ADAMTS17: variants seen among roughly 807,000 people sequenced by gnomAD.
ADAMTS17 encodes A disintegrin and metalloproteinase with thrombospondin motifs 17.
Under a neutral mutation model 141.5 loss-of-function variants are expected in ADAMTS17, and 113 were observed. The ratio of observed to expected loss-of-function variants is 0.80; its 90% confidence interval spans 0.69 to 0.93. The LOEUF (loss-of-function observed/expected upper bound fraction) is 0.93, where lower values mean the gene tolerates loss of function less well. Ranked by LOEUF, ADAMTS17 falls within the 40% of genes least tolerant of loss-of-function variation. The pLI, the probability that ADAMTS17 is intolerant of heterozygous loss-of-function variation, is 0.00. For missense variants in ADAMTS17, 1,659 were observed against 1,517.9 expected, an observed-to-expected ratio of 1.09 and a Z score of -1.54; for synonymous variants, 768 against 630.6, an observed-to-expected ratio of 1.22 and a Z score of -3.27.
intron 20 of ADAMTS17, among the ~76,000 whole-genome samples, chr15:99,978,170 C>G (rs955551825): frequency 1.3e-5 from 2 of 152,180 alleles, no homozygotes; most frequent in Non-Finnish European, 2.9e-5. Context: ...TGCGGAGTCT[C>G]CAGACACAGG....
chr15:100,096,546 AG>A, intron 14 of ADAMTS17, 70 bp from the exon 15 acceptor site: 1 of 1,609,054 alleles, frequency 6.2e-7, no homozygotes, highest in Non-Finnish European at 8.5e-7. Context: ...CTGCCCTGCA[AG>A]GCTAACTTTT....
At position 100,126,896 on chromosome 15, in the gene ADAMTS17, G is replaced by A. The variant is rs183823287; in HGVS notation, c.1721+5111C>T. Among the ~76,000 whole-genome samples the A allele has an allele frequency of 2.3e-3, 349 of 152,332 alleles. 1 individual carries two copies. Among genetic ancestry groups the A allele is most frequent in the Non-Finnish European group, 4.2e-3 (289 of 68,036 alleles). On this transcript the variant is annotated intron_variant, in intron 12 of 21. Transcript: ENST00000268070. ...GGGAGGACACAGTCAAAACAAGTGA[G>A]CAAATACATAACAACAATATCAGCT...
intron 7 of ADAMTS17, among the ~76,000 whole-genome samples, chr15:100,224,242 G>A (rs1361131201): frequency 2.0e-5 from 3 of 152,066 alleles, no homozygotes; most frequent in Admixed American, 6.6e-5. Flanking sequence ...ACTGCCCACC[G>A]CCTTTGGAGT....
intron 7 of ADAMTS17, among the ~76,000 whole-genome samples, chr15:100,225,730 C>A (rs577586364): frequency 6.7e-6 from 1 of 148,622 alleles, no homozygotes; most frequent in South Asian, 2.1e-4. Context: ...GTCATGGTCT[C>A]TGTGCCATTC....
At chr15:100,209,442 C>G (rs1400855819) in intron 7 of ADAMTS17, among the ~76,000 whole-genome samples, 1 of 152,068 alleles carries the variant, frequency 6.6e-6, no homozygotes, top group Non-Finnish European at 1.5e-5. Flanking sequence ...AGAAGTAACC[C>G]AAACATGGGA....
intron 3 of ADAMTS17, among the ~76,000 whole-genome samples, chr15:100,326,404 G>C (rs539963180): frequency 2.0e-5 from 3 of 152,046 alleles, no homozygotes; most frequent in Non-Finnish European, 4.4e-5. Context: ...GAAGTGTAGA[G>C]GAACCAAATT....
chr15:100,177,493 T>C (rs1200540109), intron 8 of ADAMTS17, among the ~76,000 whole-genome samples: 1 of 152,254 alleles, frequency 6.6e-6, no homozygotes, highest in Non-Finnish European at 1.5e-5. Context: ...GATTCCATTA[T>C]AAGGTCAGAG....
chr15:100,174,997 C>T (rs1347709998), intron 8 of ADAMTS17, among the ~76,000 whole-genome samples: 4 of 152,088 alleles, frequency 2.6e-5, no homozygotes, highest in Non-Finnish European at 4.4e-5. Flanking sequence ...AATATGCAGC[C>T]CTGGGCAGAA....
intron 8 of ADAMTS17, among the ~76,000 whole-genome samples, chr15:100,174,080 G>A (rs2040252218): frequency 6.6e-6 from 1 of 152,198 alleles, no homozygotes; most frequent in Non-Finnish European, 1.5e-5. Flanking sequence ...CAGAGCTCTT[G>A]GTCCCATTTA....
intron 16 of ADAMTS17, among the ~76,000 whole-genome samples, chr15:100,053,051 G>T (rs2032269745): frequency 6.6e-6 from 1 of 152,192 alleles, no homozygotes; most frequent in Admixed American, 6.5e-5. Context: ...AATTAACGGG[G>T]AAGAAGAACT....
intron 18 of ADAMTS17, among the ~76,000 whole-genome samples, chr15:100,025,911 C>A (rs1180277619): frequency 6.6e-5 from 10 of 151,994 alleles, no homozygotes; most frequent in African/African-American, 2.2e-4. Flanking sequence ...TTTACTCCAA[C>A]CATTTTTGAT....
At chr15:100,050,042 C>G (rs2032018981) in intron 17 of ADAMTS17, among the ~76,000 whole-genome samples, 1 of 152,212 alleles carries the variant, frequency 6.6e-6, no homozygotes, top group African/African-American at 2.4e-5. Context: ...CCTGCTGGGT[C>G]TGTGTCCTGG....
chr15:100,169,952 G>C (rs922681107), intron 8 of ADAMTS17, among the ~76,000 whole-genome samples: 5 of 152,114 alleles, frequency 3.3e-5, no homozygotes, highest in African/African-American at 1.2e-4. Flanking sequence ...CAGGAGGCGG[G>C]GTTCAGGGTT....
chr15:100,004,824 T>G (rs765164998), intron 18 of ADAMTS17, among the ~76,000 whole-genome samples: 6 of 152,312 alleles, frequency 3.9e-5, no homozygotes, highest in Non-Finnish European at 5.9e-5. Context: ...TTTTCCCATG[T>G]TGGCCAGGCT....
intron 18 of ADAMTS17, among the ~76,000 whole-genome samples, chr15:100,027,595 T>G (rs2061540170): frequency 6.6e-6 from 1 of 152,362 alleles, no homozygotes; most frequent in African/African-American, 2.4e-5. Context: ...GCTGCTTTTG[T>G]GCTACAATAG....
At chr15:100,094,565 C>G (rs1465576915) in intron 15 of ADAMTS17, among the ~76,000 whole-genome samples, 1 of 152,158 alleles carries the variant, frequency 6.6e-6, no homozygotes, top group Admixed American at 6.5e-5. Flanking sequence ...TAGAACTTTC[C>G]TTAGTGTTCT....
intron 7 of ADAMTS17, among the ~76,000 whole-genome samples, chr15:100,227,937 G>A (rs1354603903): frequency 2.0e-5 from 3 of 152,162 alleles, no homozygotes; most frequent in Non-Finnish European, 4.4e-5. Flanking sequence ...TTTCATTCCT[G>A]ACCTTGCTCC....
intron 7 of ADAMTS17, among the ~76,000 whole-genome samples, chr15:100,240,510 CT>C (rs1351511399): frequency 6.6e-6 from 1 of 152,194 alleles, no homozygotes; most frequent in Non-Finnish European, 1.5e-5. Context: ...GTGCTCCCCC[CT>C]CACTCCTCTA....
At chr15:100,066,221 C>T (rs1038942480) in intron 15 of ADAMTS17, among the ~76,000 whole-genome samples, 1 of 152,090 alleles carries the variant, frequency 6.6e-6, no homozygotes, top group Non-Finnish European at 1.5e-5. Context: ...ACTTAGTGTG[C>T]TAATAGCTTT....
Sources: allele counts gnomAD v4.1 joint callset (sites outside exome capture counted in the v4.1 genomes callset), GRCh38; gene constraint gnomAD v4.1.1; transcripts MANE v1.5; gene names NCBI Gene and HGNC (gene_info 2026-07-23, HGNC 2026-07-21).